Variants in PCDHA9 observed in about 807,000 individuals in gnomAD.
The protein encoded by PCDHA9 is protocadherin alpha 9.
PCDHA9 carries 62 observed loss-of-function variants against 62.0 expected under a neutral mutation model. The observed-to-expected ratio is 1.00, with a 90% CI of 0.81 to 1.23. The LOEUF is 1.23. Among genes scored for constraint, PCDHA9 ranks in the 50% most tolerant of loss-of-function variants. The probability of loss-of-function intolerance (pLI) is 0.00; values close to 1 mark genes in which losing one functional copy is unlikely to be tolerated. For missense variants in PCDHA9, 1,205 were observed against 1,249.8 expected (o/e 0.96, Z 0.54); for synonymous variants, 557 against 567.6 (o/e 0.98, Z 0.27).
At chr5:140,979,150 C>T (rs1470916466) in intron 2 of PCDHA9, 143 bp downstream of exon 2, 4 of 1,435,458 alleles carry the variant, frequency 2.8e-6, no homozygotes, top group Middle Eastern at 3.7e-4. Context: ...ATTTTGTCCC[C>T]ATGTTTATTC....
At chr5:140,967,524 A>G in intron 1 of PCDHA9, 1 of 1,612,564 alleles carries the variant, frequency 6.2e-7, no homozygotes, top group Non-Finnish European at 8.5e-7. Context: ...ACTAACGACA[A>G]CTCTCCTGCC....
chr5:140,913,036 A>G (rs2076178944), intron 1 of PCDHA9, among the ~76,000 whole-genome samples: 3 of 152,190 alleles, frequency 2.0e-5, no homozygotes, highest in African/African-American at 7.2e-5. Context: ...CATCAGATAT[A>G]TTGGCCTGGA....
At chr5:140,958,344 T>A (rs1247122967) in intron 1 of PCDHA9, among the ~76,000 whole-genome samples, 2 of 152,128 alleles carry the variant, frequency 1.3e-5, no homozygotes, top group African/African-American at 4.8e-5. Context: ...CACAGGAAGT[T>A]CACAGTCTGA....
intron 1 of PCDHA9, among the ~76,000 whole-genome samples, chr5:140,955,368 G>C (rs1554221882): frequency 6.6e-6 from 1 of 152,122 alleles, no homozygotes; most frequent in Admixed American, 6.5e-5. Flanking sequence ...CCCAGTGGGA[G>C]GTAATTGAAT....
Position 141,009,608 on chromosome 5 carries a change from G to A in PCDHA9, c.2543-19G>A, listed in dbSNP as rs1350951999. ...CATGTGTTGACCCTGTTAATGATTTGTAATGTTTTGTCTTTCAGAACCAGA... is the reference window on the plus strand; with the variant it reads ...CATGTGTTGACCCTGTTAATGATTTATAATGTTTTGTCTTTCAGAACCAGA... On this transcript the variant is annotated intron_variant, in intron 3 of 3. Coordinates refer to ENST00000532602, the MANE Select transcript of PCDHA9 (RefSeq NM_031857.2). The A allele has an allele frequency of 2.5e-6, 4 of 1,610,656 alleles. No individual in the cohort carries two copies. The highest frequency in any genetic ancestry group is 3.4e-6 in the Non-Finnish European group (4 of 1,177,936).
intron 1 of PCDHA9, among the ~76,000 whole-genome samples, chr5:140,950,272 CT>C (rs373882606): frequency 7.9e-5 from 12 of 151,950 alleles, no homozygotes; most frequent in African/African-American, 2.9e-4. Flanking sequence ...TCCATAATGT[CT>C]TTTTGCTTCA....
At chr5:140,857,289 G>C in intron 1 of PCDHA9, 2 of 1,598,692 alleles carry the variant, frequency 1.3e-6, no homozygotes, top group African/African-American at 1.3e-5. Flanking sequence ...GCTCTGGACC[G>C]CGAGAGGGTG....
rs782761361 is a variant in PCDHA9, at chr5:140,927,794, C to T, written c.2395-51155C>T. 1.2e-5 allele frequency: 20 copies of T among 1,614,154 alleles called. No individual in the cohort carries two copies. In the South Asian group the frequency reaches 1.6e-4, roughly 13 times the overall value. Reference sequence around the variant, plus strand: ...GTGCAAGTAGCTGCTTCACTAGGTCCGCCTGAAACGCTCTTGGAGGCATAC... The same window carrying T: ...GTGCAAGTAGCTGCTTCACTAGGTCTGCCTGAAACGCTCTTGGAGGCATAC... On this transcript the variant is annotated intron_variant, in intron 1 of 3. Coordinates refer to ENST00000532602, the MANE Select transcript of PCDHA9 (RefSeq NM_031857.2).
intron 1 of PCDHA9, among the ~76,000 whole-genome samples, chr5:140,911,000 C>T (rs139648608): frequency 1.9e-3 from 291 of 152,218 alleles, no homozygotes; most frequent in African/African-American, 6.7e-3. Context: ...ACCCCTAGGG[C>T]CCTCCTGGGA....
intron 1 of PCDHA9, among the ~76,000 whole-genome samples, chr5:140,887,955 C>A (rs568878730): frequency 4.4e-4 from 67 of 152,206 alleles, no homozygotes; most frequent in African/African-American, 1.6e-3. Flanking sequence ...GTATAAGATT[C>A]TTTTTGTCTC....
At chr5:140,956,930 A>G (rs2153711573) in intron 1 of PCDHA9, among the ~76,000 whole-genome samples, 1 of 151,954 alleles carries the variant, frequency 6.6e-6, no homozygotes, top group East Asian at 1.9e-4. Flanking sequence ...TGCTGGATAT[A>G]GGATAAAATT....
chr5:140,900,080 A>G (rs62384484), intron 1 of PCDHA9, among the ~76,000 whole-genome samples: 49,691 of 152,040 alleles, frequency 0.33, 8,391 homozygotes, highest in East Asian at 0.53. Flanking sequence ...AAAGTGCTGC[A>G]GTTACAAGCA....
rs997332881 is a variant in PCDHA9 at position 140,887,348 on chromosome 5, G to A, written c.2394+36459G>A. On this transcript the variant is annotated intron_variant, in intron 1 of 3. Transcript: ENST00000532602. ...CCTGACCTCGTGATCCACCTGGCTCGGCCTCCCAAAGTGCTGGGATTACAG... is the reference window on the plus strand; with the variant it reads ...CCTGACCTCGTGATCCACCTGGCTCAGCCTCCCAAAGTGCTGGGATTACAG... Among the ~76,000 whole-genome samples, 8 of 151,974 alleles carry A rather than the reference G, an allele frequency of 5.3e-5. 1 individual carries two copies. The highest frequency in any genetic ancestry group is 8.8e-5 in the Non-Finnish European group (6 of 67,980).
At chr5:140,966,477 T>C in intron 1 of PCDHA9, 1 of 432,754 alleles carries the variant, frequency 2.3e-6, no homozygotes, top group Non-Finnish European at 4.0e-6. Context: ...TTCTGTTTCC[T>C]TTTCCCTCCC....
At chr5:140,900,270 T>C (rs1203586696) in intron 1 of PCDHA9, among the ~76,000 whole-genome samples, 1 of 152,082 alleles carries the variant, frequency 6.6e-6, no homozygotes, top group Non-Finnish European at 1.5e-5. Flanking sequence ...ATTGTGTATA[T>C]GTACCACACT....
chr5:140,870,391 G>C, intron 1 of PCDHA9: 1 of 1,614,230 alleles, frequency 6.2e-7, no homozygotes, highest in Non-Finnish European at 8.5e-7. Flanking sequence ...GCGGGATGGG[G>C]GTTCGCCTTC....
chr5:140,862,677 G>T, intron 1 of PCDHA9: 1 of 550,930 alleles, frequency 1.8e-6, no homozygotes. Context: ...AGGAGAACGT[G>T]CTGGTGTCCT....
At chr5:140,947,896 G>A (rs1355775996) in intron 1 of PCDHA9, among the ~76,000 whole-genome samples, 5 of 151,478 alleles carry the variant, frequency 3.3e-5, no homozygotes, top group Non-Finnish European at 7.4e-5. Context: ...AACAGAAGTG[G>A]TGAGAGCAGA....
chr5:140,858,197 A>T lies in PCDHA9; in HGVS notation c.2394+7308A>T. On this transcript the variant is annotated intron_variant, in intron 1 of 3. Transcript: ENST00000532602. ...GCTGGTGCTCACGCTGCTGCTGTAC[A>T]CTGCACTGAGGTGCTCGGCGGCGCC... is the stretch of plus-strand genomic sequence containing the variant. The T allele has an allele frequency of 1.3e-6, 2 of 1,597,058 alleles. 1 individual carries two copies.
Sources: gnomAD v4.1 joint callset for allele counts (sites outside exome capture counted in the v4.1 genomes callset) on GRCh38, gnomAD v4.1.1 for gene constraint, MANE v1.5 for transcripts, NCBI Gene and HGNC (gene_info 2026-07-23, HGNC 2026-07-21) for gene names.